LRIG3: variants seen among roughly 807,000 people sequenced by gnomAD.
LRIG3 encodes leucine rich repeats and immunoglobulin like domains 3.
LRIG3 carries 76 observed loss-of-function variants against 114.5 expected under a neutral mutation model. The ratio of observed to expected loss-of-function variants is 0.66; its 90% CI spans 0.55 to 0.80. The LOEUF is 0.80. Ranked by LOEUF, LRIG3 falls within the 30% of genes least tolerant of loss-of-function variation. The probability of loss-of-function intolerance (pLI) is 0.00; values close to 1 mark genes in which losing one functional copy is unlikely to be tolerated. For synonymous variants in LRIG3, 512 were observed against 519.8 expected, an observed-to-expected ratio of 0.98 and a Z score of 0.20; for missense variants, 1,239 against 1,382.8, an observed-to-expected ratio of 0.90 and a Z score of 1.65.
rs953067314 is a variant in LRIG3 at position 58,886,719 on chromosome 12, C to G, written c.1172+91G>C. Reference sequence around the variant, plus strand: ...CAGATTAAGCACTGATTTCTCATCTCTTCATGATGTCAACTTGTATAGCTG... The same window carrying G: ...CAGATTAAGCACTGATTTCTCATCTGTTCATGATGTCAACTTGTATAGCTG... On this transcript the variant is annotated intron_variant, in intron 9 of 18. Coordinates refer to ENST00000320743, the MANE Select transcript of LRIG3 (RefSeq NM_153377.5). The G allele has an allele frequency of 6.7e-6, 7 of 1,044,458 alleles. No individual in the cohort carries two copies. In the African/African-American group the frequency reaches 7.9e-5, roughly 12 times the overall value. The allele number at this position is 1,044,458 out of a possible 1,614,324, so 64.7% of individuals were successfully genotyped here. A position where few individuals can be genotyped will look rare whatever the true frequency, so the allele number is the denominator to read the frequency against.
At chr12:58,887,118 C>A in intron 8 of LRIG3, 1 of 480,444 alleles carries the variant, frequency 2.1e-6, no homozygotes. Context: ...CTGACACTGG[C>A]CCTATTAATT....
intron 6 of LRIG3, among the ~76,000 whole-genome samples, 159 bp from the exon 7 acceptor site, chr12:58,888,631 A>C (rs1214951371): frequency 2.0e-5 from 3 of 152,190 alleles, no homozygotes; most frequent in Non-Finnish European, 4.4e-5. Flanking sequence ...TATAGTTTAT[A>C]CTATACTAAA....
At chr12:58,914,229 T>C (rs1872392079) in intron 2 of LRIG3, 36 bp downstream of exon 2, 2 of 1,598,626 alleles carry the variant, frequency 1.3e-6, no homozygotes, top group Non-Finnish European at 1.7e-6. Flanking sequence ...TAACGTATTT[T>C]ACTCAAACCT....
Position 58,872,415 on chromosome 12 carries a change from TTCA to T in LRIG3, c.*154_*156del. On this transcript the variant is annotated 3_prime_UTR_variant, in exon 19 of 19. Coordinates refer to ENST00000320743, the MANE Select transcript of LRIG3 (RefSeq NM_153377.5). ...GAGCATCATTCCCAGTATAAAAATT[TTCA>T]TAACTTTTTGTAATTTTGGTTCATC... is the stretch of plus-strand genomic sequence containing the variant. 6.8e-6 allele frequency: 5 copies of T among 730,744 alleles called. No individual in the cohort carries two copies. Among genetic ancestry groups the T allele is most frequent in the Non-Finnish European group, 9.7e-6 (5 of 514,326 alleles). The allele number at this position is 730,744 out of a possible 1,614,324, so 45.3% of individuals were successfully genotyped here. A position where few individuals can be genotyped will look rare whatever the true frequency, so the allele number is the denominator to read the frequency against.
chr12:58,883,467 G>A, intron 11 of LRIG3, 53 bp downstream of exon 11: 1 of 1,310,196 alleles, frequency 7.6e-7, no homozygotes, highest in South Asian at 1.7e-5. Flanking sequence ...CACACCATAT[G>A]ACAGTTTTCC....
In LRIG3 at chr12:58,914,352, A is replaced by C; in HGVS notation, c.237-16T>G. 1 of 1,597,396 alleles carries C rather than the reference A, an allele frequency of 6.3e-7. No homozygotes were observed. The highest frequency in any genetic ancestry group is 2.2e-5 in the East Asian group (1 of 44,784). On this transcript the variant is annotated splice_polypyrimidine_tract_variant and intron_variant, in intron 1 of 18. Transcript: ENST00000320743. ...ACTTAAGTCCCTATAAGAAAACAAA[A>C]ATAAAATTATAAGTCATTTCTAAAA...
intron 14 of LRIG3, among the ~76,000 whole-genome samples, chr12:58,878,397 GAA>G (rs199918514): frequency 6.6e-6 from 1 of 150,736 alleles, no homozygotes; most frequent in Non-Finnish European, 1.5e-5. Context: ...GGTAAAAGAT[GAA>G]AAAAAAACTC....
intron 13 of LRIG3, 128 bp downstream of exon 13, chr12:58,880,453 A>C: frequency 1.1e-6 from 1 of 903,456 alleles, no homozygotes; most frequent in Non-Finnish European, 1.8e-6. Context: ...AATGAAAGGT[A>C]GGGAAAGGAA....
intron 3 of LRIG3, among the ~76,000 whole-genome samples, chr12:58,900,741 G>A (rs1027619532): frequency 1.3e-5 from 2 of 152,182 alleles, no homozygotes; most frequent in Non-Finnish European, 2.9e-5. Flanking sequence ...AACACATTCA[G>A]TTAAACTAAT....
intron 3 of LRIG3, among the ~76,000 whole-genome samples, chr12:58,894,584 A>T (rs1392470996): frequency 6.6e-6 from 1 of 152,168 alleles, no homozygotes; most frequent in Non-Finnish European, 1.5e-5. Context: ...CACTTCTAGT[A>T]GACAGAGATT....
Position 58,878,844 on chromosome 12 carries a change from T to C in LRIG3, c.2063A>G (p.Asn688Ser). The C allele has an allele frequency of 6.2e-7, 1 of 1,613,880 alleles. No individual in the cohort carries two copies. Among genetic ancestry groups the C allele is most frequent in the Non-Finnish European group, 8.5e-7 (1 of 1,179,758 alleles). Residue 688 changes from asparagine (N) to serine (S), a missense_variant, in exon 14 of 19, where the codon AAT becomes AGT. Asn to Ser is a conservative substitution (Grantham distance 46). Coordinates refer to ENST00000320743, the MANE Select transcript of LRIG3 (RefSeq NM_153377.5). The part of the protein sequence containing the change: ...AQNSAGSISA[N>S]ATLTVLETPS... The stretch of plus-strand genomic sequence containing the variant: ...CCCACCTAGGACAGTCAGAGTTGCA[T>C]TTGCTGAAATACTTCCTGCACTGTT...
rs898511317 is a variant in LRIG3, at chr12:58,872,373, A to G, written c.*199T>C. On this transcript the variant is annotated 3_prime_UTR_variant, in exon 19 of 19. Transcript: ENST00000320743. Reference sequence around the variant, plus strand: ...TAAAACAAAGTTAAAAAATAGTTTAAAAAGGTATTCTTATATGAGCATCAT... The same window carrying G: ...TAAAACAAAGTTAAAAAATAGTTTAGAAAGGTATTCTTATATGAGCATCAT... 9 of 405,466 alleles carry G rather than the reference A, an allele frequency of 2.2e-5. No homozygotes were observed. Among genetic ancestry groups the G allele is most frequent in the Non-Finnish European group, 3.7e-5 (9 of 241,266 alleles). The allele number at this position is 405,466 out of a possible 1,614,324, so 25.1% of individuals were successfully genotyped here. A position where few individuals can be genotyped will look rare whatever the true frequency, so the allele number is the denominator to read the frequency against.
chr12:58,912,292 C>T (rs1295743444), intron 3 of LRIG3, among the ~76,000 whole-genome samples: 2 of 152,052 alleles, frequency 1.3e-5, no homozygotes, highest in Non-Finnish European at 2.9e-5. Flanking sequence ...GTCAGGAGAT[C>T]GAGACCATCC....
chr12:58,881,063 T>C (rs1354480615), intron 12 of LRIG3, among the ~76,000 whole-genome samples, 162 bp from the exon 13 acceptor site: 1 of 152,224 alleles, frequency 6.6e-6, no homozygotes, highest in Non-Finnish European at 1.5e-5. Flanking sequence ...AATGATACAC[T>C]GGGAGAGTAT....
At chr12:58,912,236 C>A (rs1390158740) in intron 3 of LRIG3, among the ~76,000 whole-genome samples, 2 of 152,194 alleles carry the variant, frequency 1.3e-5, no homozygotes, top group Non-Finnish European at 2.9e-5. Flanking sequence ...GTGGCTCACA[C>A]CTGCAATCCC....
chr12:58,892,626 C>G (rs1010026644), intron 3 of LRIG3, among the ~76,000 whole-genome samples: 19 of 152,280 alleles, frequency 1.2e-4, no homozygotes, highest in Non-Finnish European at 2.1e-4. Flanking sequence ...AAGCAGAATT[C>G]TCTCTATATA....
Position 58,888,480 on chromosome 12 carries a change from T to C in LRIG3, c.804-8A>G. 1 of 1,611,760 alleles carries C rather than the reference T, an allele frequency of 6.2e-7. No homozygotes were observed. Reference sequence around the variant, plus strand: ...TTGTTATGGTCCAGCTGCCTACATTTACAGTAAGAATCAAAAGCAGGATCA... The same window carrying C: ...TTGTTATGGTCCAGCTGCCTACATTCACAGTAAGAATCAAAAGCAGGATCA... On this transcript the variant is annotated splice_region_variant and splice_polypyrimidine_tract_variant and intron_variant, in intron 6 of 18. Transcript: ENST00000320743.
intron 1 of LRIG3, chr12:58,919,293 T>TG: frequency 1.6e-6 from 2 of 1,223,504 alleles, no homozygotes; most frequent in Non-Finnish European, 2.2e-6. Flanking sequence ...AAGAGCTCCC[T>TG]GCGCTCTCCC....
Position 58,890,079 on chromosome 12 carries a change from GT to G in LRIG3, c.575del (p.Asn192ThrfsTer6). 6.2e-7 allele frequency: 1 copy of G among 1,613,948 alleles called. No individual in the cohort carries two copies. Among genetic ancestry groups the G allele is most frequent in the Non-Finnish European group, 8.5e-7 (1 of 1,179,886 alleles). On this transcript the variant is annotated frameshift_variant, in exon 5 of 19. Coordinates refer to ENST00000320743, the MANE Select transcript of LRIG3 (RefSeq NM_153377.5). LOFTEE classifies it high-confidence loss of function. ...MEPGYFDNLA[N>X]TLLVLKLNRN... ...TGTTCAGCTTTAACACAAGGAGTGT[GT>G]TGGCCAAATTGTCAAAATACCCAGG...
Sources: allele counts gnomAD v4.1 joint callset (sites outside exome capture counted in the v4.1 genomes callset), GRCh38; gene constraint gnomAD v4.1.1; transcripts MANE v1.5; gene names NCBI Gene and HGNC (gene_info 2026-07-23, HGNC 2026-07-21).